Variants in PSMD11 observed in about 807,000 individuals in gnomAD.
PSMD11 encodes proteasome 26S subunit, non-ATPase 11.
A neutral mutation model predicts 62.3 loss-of-function variants in PSMD11; 5 were observed. The observed-to-expected ratio is 0.08, with a 90% CI of 0.04 to 0.17. The LOEUF is 0.17. PSMD11 is among the 10% of genes least tolerant of loss of function. The pLI is 1.00. For synonymous variants in PSMD11, 191 were observed against 191.8 expected (o/e 1.00, Z 0.03); for missense variants, 310 against 512.9 (o/e 0.60, Z 3.82).
intron 2 of PSMD11, among the ~76,000 whole-genome samples, chr17:32,454,087 A>T (rs766836363): frequency 1.3e-5 from 2 of 152,160 alleles, no homozygotes; most frequent in South Asian, 4.1e-4. Context: ...GAAAAAAATT[A>T]CCCCTATGAC....
chr17:32,460,854 A>C (rs967859188), intron 3 of PSMD11, among the ~76,000 whole-genome samples: 26 of 151,970 alleles, frequency 1.7e-4, no homozygotes, highest in African/African-American at 5.3e-4. Flanking sequence ...ATTTAAATGC[A>C]AGGTTTGGAG....
intron 5 of PSMD11, among the ~76,000 whole-genome samples, chr17:32,464,858 A>T (rs1433801674): frequency 3.3e-5 from 5 of 152,192 alleles, no homozygotes; most frequent in Admixed American, 6.5e-5. Context: ...ACTGAAATTT[A>T]AAAAAAGTGT....
intron 5 of PSMD11, among the ~76,000 whole-genome samples, chr17:32,467,006 G>C (rs1029053672): frequency 6.6e-6 from 1 of 150,782 alleles, no homozygotes; most frequent in Non-Finnish European, 1.5e-5. Context: ...GTGCAGTGGC[G>C]TGATCTTGGC....
chr17:32,470,850 A>G (rs747746874), intron 6 of PSMD11, among the ~76,000 whole-genome samples: 9 of 152,242 alleles, frequency 5.9e-5, no homozygotes, highest in Non-Finnish European at 1.2e-4. Context: ...CCTTAGCTAC[A>G]GAGAAGAGCA....
At chr17:32,469,580 A>C (rs1405661148) in intron 6 of PSMD11, among the ~76,000 whole-genome samples, 1 of 152,204 alleles carries the variant, frequency 6.6e-6, no homozygotes, top group Non-Finnish European at 1.5e-5. Context: ...GCCTCAAATC[A>C]GGGCTGAGGA....
intron 6 of PSMD11, among the ~76,000 whole-genome samples, chr17:32,473,100 G>A (rs1465388795): frequency 6.0e-5 from 9 of 150,688 alleles, no homozygotes; most frequent in African/African-American, 2.2e-4. Context: ...GGAGGTTGCC[G>A]TGAGCTGAGA....
chr17:32,474,985 CTG>C (rs747999442), intron 8 of PSMD11, among the ~76,000 whole-genome samples, 161 bp downstream of exon 8: 20 of 152,184 alleles, frequency 1.3e-4, no homozygotes, highest in Non-Finnish European at 2.5e-4. Context: ...GTTTCCCAGA[CTG>C]TTAAATTCTT....
chr17:32,455,051 G>T (rs1348908430), intron 3 of PSMD11, among the ~76,000 whole-genome samples: 4 of 152,138 alleles, frequency 2.6e-5, no homozygotes, highest in African/African-American at 4.8e-5. Flanking sequence ...GTGTCTCATT[G>T]TGCAGAAGTG....
Position 32,444,512 on chromosome 17 carries a change from G to A in PSMD11, c.-12G>A, listed in dbSNP as rs1907256793. 3 of 1,586,008 alleles carry A rather than the reference G, an allele frequency of 1.9e-6. No individual in the cohort carries two copies. The African/African-American group carries it at 4.0e-5, about 21-fold the overall frequency. On this transcript the variant is annotated 5_prime_UTR_variant, in exon 1 of 14. Transcript: ENST00000261712. Reference sequence around the variant, plus strand: ...CGGCGGCCGCGGCCGGGGACGGTGTGAGAGCGGTAAGATGGCGGCGGCGGC... The same window carrying A: ...CGGCGGCCGCGGCCGGGGACGGTGTAAGAGCGGTAAGATGGCGGCGGCGGC...
Position 32,444,553 on chromosome 17 carries a change from G to C in PSMD11, c.30G>C (p.Gln10His), listed in dbSNP as rs1340399077. ...CGGCGGCGGCGGTGGTGGAGTTCCA[G>C]AGAGCCCAGTCTCTACTCAGCACCG... MAAAAVVEF[Q>H]RAQSLLSTDR... Residue 10 changes from glutamine to histidine, a missense_variant, in exon 1 of 14, where the codon CAG becomes CAC. Transcript: ENST00000261712. 2 of 1,610,760 alleles carry C rather than the reference G, an allele frequency of 1.2e-6. No homozygotes were observed. The highest frequency in any genetic ancestry group is 1.7e-6 in the Non-Finnish European group (2 of 1,178,920).
intron 2 of PSMD11, 34 bp from the exon 3 acceptor site, chr17:32,454,461 G>GTT: frequency 1.9e-6 from 3 of 1,607,694 alleles, no homozygotes; most frequent in Non-Finnish European, 2.5e-6. Context: ...AAATGTTGAT[G>GTT]TTTACTCCTC....
Position 32,447,058 on chromosome 17 carries a change from A to G in PSMD11, c.193+12A>G. 1.9e-6 allele frequency: 3 copies of G among 1,570,076 alleles called. No homozygotes were observed. Among genetic ancestry groups the G allele is most frequent in the Non-Finnish European group, 2.6e-6 (3 of 1,144,340 alleles). ...TGGACAAGCTGCAGGTAAGTGCTAC[A>G]CATGGATTGTATCTGAAATGCTCAG... On this transcript the variant is annotated intron_variant, in intron 2 of 13. Transcript: ENST00000261712.
chr17:32,448,858 G>A (rs751329468), intron 2 of PSMD11, among the ~76,000 whole-genome samples: 7 of 152,126 alleles, frequency 4.6e-5, no homozygotes, highest in Non-Finnish European at 7.4e-5. Context: ...TCTTACTTCA[G>A]AGCCCATATA....
intron 2 of PSMD11, among the ~76,000 whole-genome samples, chr17:32,452,282 A>G (rs1184528862): frequency 6.6e-6 from 1 of 152,210 alleles, no homozygotes; most frequent in Non-Finnish European, 1.5e-5. Flanking sequence ...TGTATATCTG[A>G]TGTAAGCAGG....
intron 3 of PSMD11, among the ~76,000 whole-genome samples, chr17:32,461,025 G>A (rs1046757554): frequency 1.3e-5 from 2 of 152,092 alleles, no homozygotes; most frequent in Non-Finnish European, 2.9e-5. Context: ...GATCTCTGGG[G>A]AGTAGCCTAT....
At chr17:32,447,368 GTATT>G (rs962943259) in intron 2 of PSMD11, 6 of 197,862 alleles carry the variant, frequency 3.0e-5, no homozygotes. Flanking sequence ...CAACTCTGAT[GTATT>G]TAAGATAGAT....
At position 32,446,974 on chromosome 17, in the gene PSMD11, G is replaced by C. The variant is rs767123530; in HGVS notation, c.121G>C (p.Glu41Gln). ...GCGTGACATTCAGGAAAACGATGAA[G>C]AGGCAGTGCAAGTCAAAGAGCAGAG... is the stretch of plus-strand genomic sequence containing the variant. ...VKRDIQENDE[E>Q]AVQVKEQSIL... Residue 41 changes from glutamate to glutamine, a missense_variant, in exon 2 of 14, where the codon GAG becomes CAG. Glu to Gln is a conservative substitution (Grantham distance 29). Transcript: ENST00000261712. The C allele has an allele frequency of 6.8e-6, 11 of 1,612,524 alleles. No individual in the cohort carries two copies. The highest frequency in any genetic ancestry group is 9.3e-6 in the Non-Finnish European group (11 of 1,179,420).
At position 32,469,269 on chromosome 17, in the gene PSMD11, G is replaced by T. The variant is rs541894850; in HGVS notation, c.643+76G>T. On this transcript the variant is annotated intron_variant, in intron 6 of 13. Transcript: ENST00000261712. ...TTTATAGGTGGAAGGAATGGGGGTT[G>T]GGGCTGGAGAATAAAATTGGCTGAT... 9.3e-4 allele frequency: 1,336 copies of T among 1,435,036 alleles called. 4 individuals carry two copies. Among genetic ancestry groups the T allele is most frequent in the South Asian group, 4.2e-3 (304 of 73,008 alleles). 88.9% of individuals were successfully genotyped at this position (1,435,036 alleles called of 1,614,324 possible).
At chr17:32,450,107 C>G (rs1243540008) in intron 2 of PSMD11, among the ~76,000 whole-genome samples, 2 of 151,788 alleles carry the variant, frequency 1.3e-5, no homozygotes, top group Non-Finnish European at 2.9e-5. Flanking sequence ...ACTACAGGCG[C>G]CCACCACCAC....
Sources: gnomAD v4.1 joint callset for allele counts (sites outside exome capture counted in the v4.1 genomes callset) on GRCh38, gnomAD v4.1.1 for gene constraint, MANE v1.5 for transcripts, NCBI Gene and HGNC (gene_info 2026-07-23, HGNC 2026-07-21) for gene names.